The following COL4A4 variants were observed in gnomAD, a reference collection of about 807,000 sequenced individuals.
COL4A4 encodes the protein collagen type IV alpha 4 chain, also known as collagen alpha-4(IV) chain.
A neutral mutation model predicts 192.9 loss-of-function variants in COL4A4; 105 were observed. The observed-to-expected ratio is 0.54, with a 90% CI of 0.46 to 0.64. COL4A4 has a LOEUF of 0.64. COL4A4 is among the 30% of genes least tolerant of loss of function. The pLI, the probability that COL4A4 is intolerant of heterozygous loss-of-function variation, is 0.00. For synonymous variants in COL4A4, 762 were observed against 769.9 expected (o/e 0.99, Z 0.17); for missense variants, 1,967 against 2,169.3 (o/e 0.91, Z 1.85).
chr2:227,121,262 CTAA>C, intron 4 of COL4A4, 114 bp from the exon 5 acceptor site: 1 of 1,214,446 alleles, frequency 8.2e-7, no homozygotes, highest in Non-Finnish European at 1.2e-6. Context: ...TTGCACAACT[CTAA>C]TAATAGAAAC....
At chr2:227,158,940 T>G (rs75274596) in intron 1 of COL4A4, among the ~76,000 whole-genome samples, 1 of 152,146 alleles carries the variant, frequency 6.6e-6, no homozygotes, top group Admixed American at 6.5e-5. Flanking sequence ...CCATATGACC[T>G]AACCATTTCA....
rs2061618539 is a variant in COL4A4 at position 227,118,733 on chromosome 2, C to A, written c.401G>T (p.Gly134Val). ...ATTGTGGCCACTCATACCAGGTTTG[C>A]CTCTGGGTCCAGGAGGCCCTGGGTG... ...PGHPGPPGPRGKPGMSGHNGS... is the reference protein window; with the variant it reads ...PGHPGPPGPRVKPGMSGHNGS... The change falls in exon 7 of 48, where the codon GGC (glycine) becomes GTC (valine). Residue 134 changes from glycine to valine, a missense_variant. By Grantham distance (109) the Gly-to-Val change is moderately radical. Coordinates refer to ENST00000396625, the MANE Select transcript of COL4A4 (RefSeq NM_000092.5). 6.2e-7 allele frequency: 1 copy of A among 1,613,840 alleles called. No homozygotes were observed. Among genetic ancestry groups the A allele is most frequent in the Non-Finnish European group, 8.5e-7 (1 of 1,179,984 alleles).
Position 227,002,879 on chromosome 2 carries a change from A to C in COL4A4, c.*4446T>G, listed in dbSNP as rs555860844. On this transcript the variant is annotated 3_prime_UTR_variant, in exon 48 of 48. Transcript: ENST00000396625. ...TAGAGAAAGGGATGCAATTTATTAGACACATTTCACATTTTTCCCATGAAT... is the reference window on the plus strand; with the variant it reads ...TAGAGAAAGGGATGCAATTTATTAGCCACATTTCACATTTTTCCCATGAAT... 1 of 152,812 alleles carries C rather than the reference A, an allele frequency of 6.5e-6. No homozygotes were observed. The highest frequency in any genetic ancestry group is 1.9e-4 in the East Asian group (1 of 5,192). 9.5% of individuals were successfully genotyped at this position (152,812 alleles called of 1,614,324 possible). A position where few individuals can be genotyped will look rare whatever the true frequency, so the allele number is the denominator to read the frequency against.
chr2:227,019,897 C>T (rs1198811668), intron 44 of COL4A4, among the ~76,000 whole-genome samples: 2 of 152,226 alleles, frequency 1.3e-5, no homozygotes, highest in South Asian at 2.1e-4. Context: ...AAACTCCTGA[C>T]CTCAGGTGAT....
intron 16 of COL4A4, 82 bp downstream of exon 16, chr2:227,101,783 G>GC (rs2060538264): frequency 8.4e-7 from 1 of 1,193,196 alleles, no homozygotes; most frequent in African/African-American, 1.5e-5. Flanking sequence ...GTGTTTGCAC[G>GC]CAACAGTACA....
Position 227,050,013 on chromosome 2 carries a change from A to T in COL4A4, c.3214+55T>A, listed in dbSNP as rs1219079979. The T allele has an allele frequency of 9.9e-6, 15 of 1,514,610 alleles. No individual in the cohort carries two copies. The African/African-American group carries it at 2.1e-4, about 21-fold the overall frequency. 93.8% of individuals were successfully genotyped at this position (1,514,610 alleles called of 1,614,324 possible). Reference sequence around the variant, plus strand: ...GTAAAAGGCACTTGTTTACAATGTTATAAACATTCGGGACTATGCATTTGA... The same window carrying T: ...GTAAAAGGCACTTGTTTACAATGTTTTAAACATTCGGGACTATGCATTTGA... On this transcript the variant is annotated intron_variant, in intron 34 of 47. Coordinates refer to ENST00000396625, the MANE Select transcript of COL4A4 (RefSeq NM_000092.5).
chr2:227,060,750 CAG>C (rs1976770295), intron 26 of COL4A4, among the ~76,000 whole-genome samples: 1 of 137,522 alleles, frequency 7.3e-6, no homozygotes, highest in Non-Finnish European at 1.5e-5. Flanking sequence ...TTTTTTGAGA[CAG>C]AGTCTTGCTT....
intron 22 of COL4A4, among the ~76,000 whole-genome samples, chr2:227,085,056 G>A (rs748928840): frequency 2.6e-5 from 4 of 152,160 alleles, no homozygotes; most frequent in South Asian, 4.2e-4. Flanking sequence ...GCCTGAACCC[G>A]GGAGGCAGAT....
At chr2:227,127,724 T>G (rs1213121196) in intron 4 of COL4A4, among the ~76,000 whole-genome samples, 1 of 152,146 alleles carries the variant, frequency 6.6e-6, no homozygotes, top group African/African-American at 2.4e-5. Flanking sequence ...CGTTTGTCAT[T>G]TTGTCAGTAG....
intron 4 of COL4A4, among the ~76,000 whole-genome samples, chr2:227,139,325 A>G (rs1445038098): frequency 6.6e-6 from 1 of 152,220 alleles, no homozygotes; most frequent in Non-Finnish European, 1.5e-5. Flanking sequence ...CATTGATCTG[A>G]CTCAAAAATT....
chr2:227,136,581 C>G (rs916977590), intron 4 of COL4A4, among the ~76,000 whole-genome samples: 2 of 152,074 alleles, frequency 1.3e-5, no homozygotes, highest in African/African-American at 2.4e-5. Context: ...TCAAAGGAGG[C>G]CCCCCTTGAT....
At chr2:227,039,938 T>G (rs950459419) in intron 37 of COL4A4, among the ~76,000 whole-genome samples, 3 of 152,228 alleles carry the variant, frequency 2.0e-5, no homozygotes, top group African/African-American at 7.2e-5. Flanking sequence ...TGAAGGGAAC[T>G]TTTCCTATCA....
intron 20 of COL4A4, among the ~76,000 whole-genome samples, chr2:227,090,839 C>G (rs949463632): frequency 2.7e-5 from 4 of 146,654 alleles, no homozygotes; most frequent in Non-Finnish European, 3.0e-5. Flanking sequence ...GGAGAGGAAC[C>G]AGCAACAACC....
chr2:227,092,590 T>C (rs1201540064), intron 20 of COL4A4, among the ~76,000 whole-genome samples: 1 of 152,166 alleles, frequency 6.6e-6, no homozygotes, highest in Non-Finnish European at 1.5e-5. Flanking sequence ...ATTTAGATAA[T>C]TCTGGGCAGT....
chr2:227,107,848 C>G (rs2060946431), intron 12 of COL4A4, among the ~76,000 whole-genome samples: 1 of 151,452 alleles, frequency 6.6e-6, no homozygotes, highest in Non-Finnish European at 1.5e-5. Flanking sequence ...AGCTCCACCT[C>G]CCAGGTTCAA....
intron 4 of COL4A4, among the ~76,000 whole-genome samples, chr2:227,128,858 T>C (rs2062245887): frequency 6.6e-6 from 1 of 152,092 alleles, no homozygotes; most frequent in African/African-American, 2.4e-5. Context: ...CCTTTCCTGG[T>C]GTCATTGCTT....
chr2:227,022,392 C>T (rs1351507162), intron 43 of COL4A4: 6 of 767,448 alleles, frequency 7.8e-6, no homozygotes, highest in Non-Finnish European at 1.4e-5. Context: ...TGAAAAAATT[C>T]CAGAATGTCG....
intron 17 of COL4A4, among the ~76,000 whole-genome samples, chr2:227,100,157 C>A (rs2060426169): frequency 2.6e-5 from 4 of 151,366 alleles, no homozygotes; most frequent in Admixed American, 2.6e-4. Context: ...CTTGCACATG[C>A]TGAGCAAGTG....
rs61166073 is a variant in COL4A4, at chr2:227,009,360, C to T, written c.4522+953G>A. 1.3e-4 allele frequency among the ~76,000 whole-genome samples: 20 copies of T among 152,344 alleles called. No individual in the cohort carries two copies. In the East Asian group the frequency reaches 3.9e-3, roughly 29 times the overall value. On this transcript the variant is annotated intron_variant, in intron 46 of 47. Transcript: ENST00000396625. ...GACAGTGTTTCCCGGCAGCCAGGTA[C>T]TTAAGCCTTTGACTTGAAATCAGTC...
Sources: gnomAD v4.1 joint callset for allele counts (sites outside exome capture counted in the v4.1 genomes callset) on GRCh38, gnomAD v4.1.1 for gene constraint, MANE v1.5 for transcripts, NCBI Gene and HGNC (gene_info 2026-07-23, HGNC 2026-07-21) for gene names.